ESPNL: variants seen among roughly 807,000 people sequenced by gnomAD.
ESPNL encodes espin-like protein.
A neutral mutation model predicts 46.8 loss-of-function variants in ESPNL; 49 were observed. The ratio of observed to expected loss-of-function variants is 1.05; its 90% CI spans 0.83 to 1.33. The LOEUF is 1.33. ESPNL is among the 40% of genes most tolerant of loss of function. The pLI, the probability that ESPNL is intolerant of heterozygous loss-of-function variation, is 0.00. For synonymous variants in ESPNL, 664 were observed against 662.1 expected, an observed-to-expected ratio of 1.00 and a Z score of -0.04; for missense variants, 1,540 against 1,436.6, an observed-to-expected ratio of 1.07 and a Z score of -1.16.
At chr2:238,108,038 C>T in intron 4 of ESPNL, 65 bp downstream of exon 4, 7 of 1,430,918 alleles carry the variant, frequency 4.9e-6, no homozygotes, top group Non-Finnish European at 6.7e-6. Flanking sequence ...AGTGCTGTGT[C>T]ACTGACCCTC....
chr2:238,128,985 A>T, intron 8 of ESPNL, 81 bp downstream of exon 8: 1 of 1,482,196 alleles, frequency 6.7e-7, no homozygotes, highest in Non-Finnish European at 9.0e-7. Flanking sequence ...AGGGCGCCCG[A>T]AGCCCAGAAC....
rs369928570 is a variant in ESPNL at position 238,100,361 on chromosome 2, G to A, written c.-59G>A. The A allele has an allele frequency of 1.1e-5, 13 of 1,235,310 alleles. No homozygotes were observed. Among genetic ancestry groups the A allele is most frequent in the African/African-American group, 6.9e-5 (4 of 57,668 alleles). The allele number at this position is 1,235,310 out of a possible 1,614,324, so 76.5% of individuals were successfully genotyped here. A position where few individuals can be genotyped will look rare whatever the true frequency, so the allele number is the denominator to read the frequency against. ...AACCAGAGCCGGCAGCTTCATCCAC[G>A]TCTGAAACAGGAAGCCCCAGCCTGT... is the stretch of plus-strand genomic sequence containing the variant. On this transcript the variant is annotated 5_prime_UTR_variant, in exon 1 of 9. Coordinates refer to ENST00000343063, the MANE Select transcript of ESPNL (RefSeq NM_194312.4).
chr2:238,125,467 C>A, intron 6 of ESPNL, 83 bp downstream of exon 6: 2 of 783,552 alleles, frequency 2.6e-6, no homozygotes, highest in Non-Finnish European at 3.7e-6. Context: ...GGTCCTGGAC[C>A]GGTGGGCAAG....
intron 4 of ESPNL, among the ~76,000 whole-genome samples, chr2:238,115,096 G>A (rs1395026292): frequency 6.6e-6 from 1 of 151,988 alleles, no homozygotes; most frequent in Non-Finnish European, 1.5e-5. Context: ...CTCTGGTCTT[G>A]TGGCGGTTCT....
In ESPNL at chr2:238,131,177, G is replaced by T; in HGVS notation, c.2463G>T (p.Arg821=). The change falls in exon 9 of 9, where the codon CGG becomes CGT. Residue 821 remains arginine, a synonymous_variant. Transcript: ENST00000343063. ...CCATCATGGCTCACGTGCCCGCCCG[G>T]CAGCTGCGGCGGCTGAGCCGGCAGC... ...WKAIMAHVPA[R]QLRRLSRQPR... 1 of 1,544,640 alleles carries T rather than the reference G, an allele frequency of 6.5e-7. No individual in the cohort carries two copies. Among genetic ancestry groups the T allele is most frequent in the Non-Finnish European group, 8.7e-7 (1 of 1,146,548 alleles).
At position 238,130,874 on chromosome 2, in the gene ESPNL, G is replaced by C; in HGVS notation, c.2160G>C (p.Glu720Asp). The C allele has an allele frequency of 6.4e-7, 1 of 1,557,042 alleles. No homozygotes were observed. The highest frequency in any genetic ancestry group is 8.7e-7 in the Non-Finnish European group (1 of 1,151,612). Residue 720 changes from glutamate to aspartate, a missense_variant, in exon 9 of 9, where the codon GAG becomes GAC. By Grantham distance (45) the Glu-to-Asp change is conservative. Coordinates refer to ENST00000343063, the MANE Select transcript of ESPNL (RefSeq NM_194312.4). ...EASDSGISCEEVPSEAGAAAG... is the reference protein window; with the variant it reads ...EASDSGISCEDVPSEAGAAAG... ...GCGACTCTGGCATCAGCTGCGAGGA[G>C]GTGCCATCAGAGGCGGGTGCCGCAG...
Position 238,130,371 on chromosome 2 carries a change from C to T in ESPNL, c.1657C>T (p.His553Tyr). 1 of 1,611,074 alleles carries T rather than the reference C, an allele frequency of 6.2e-7. No individual in the cohort carries two copies. ...EPLVSITVNS[H>Y]FLPRAPGLEV... ...CCTGGTCAGCATCACGGTCAACAGCCACTTCCTGCCCCGGGCGCCCGGACT... is the reference window on the plus strand; with the variant it reads ...CCTGGTCAGCATCACGGTCAACAGCTACTTCCTGCCCCGGGCGCCCGGACT... The change falls in exon 9 of 9, where the codon CAC becomes TAC. Residue 553 changes from histidine (H) to tyrosine (Y), a missense_variant. Physicochemically the swap from His to Tyr is moderately conservative, Grantham distance 83. Transcript: ENST00000343063.
chr2:238,104,800 C>T lies in ESPNL; in HGVS notation c.630C>T (p.His210=), dbSNP rs142250207. 76 of 1,565,338 alleles carry T rather than the reference C, an allele frequency of 4.9e-5. No homozygotes were observed. The African/African-American group carries it at 5.8e-4, about 12-fold the overall frequency. Residue 210 remains histidine (H), a synonymous_variant, in exon 3 of 9, where the codon CAC becomes CAT. Transcript: ENST00000343063. The stretch of plus-strand genomic sequence containing the variant: ...CTCTCGATGGCATGAGCGCCCTGCA[C>T]GCTGCCGCCGCCCGTGGCCACTACT... ...LRALDGMSAL[H]AAAARGHYSL... is the part of the protein sequence containing the mutation.
At position 238,112,174 on chromosome 2, in the gene ESPNL, T is replaced by C. The variant is rs181785478; in HGVS notation, c.855+4201T>C. On this transcript the variant is annotated intron_variant, in intron 4 of 8. Transcript: ENST00000343063. ...GGAAGGTTTTTTATTACTAATTCAA[T>C]TTATTTAATTATAGAACTACTAGGG... Among the ~76,000 whole-genome samples, 373 of 146,888 alleles carry C rather than the reference T, an allele frequency of 2.5e-3. 2 individuals are homozygous for C. Among genetic ancestry groups the C allele is most frequent in the African/African-American group, 9.3e-3 (345 of 36,928 alleles).
Position 238,107,942 on chromosome 2 carries a change from T to C in ESPNL, c.824T>C (p.Leu275Pro). ...AGAGACTCCTGGGGTGGGACCCCCC[T>C]CCACGACGCAGCAGAGAACGGGCAG... ...ILRDSWGGTP[L>P]HDAAENGQME... Residue 275 changes from leucine to proline, a missense_variant, in exon 4 of 9, where the codon CTC (leucine) becomes CCC (proline). Physicochemically the swap from Leu to Pro is moderately conservative, Grantham distance 98. Transcript: ENST00000343063. The C allele has an allele frequency of 6.2e-7, 1 of 1,613,050 alleles. No individual in the cohort carries two copies. The highest frequency in any genetic ancestry group is 8.5e-7 in the Non-Finnish European group (1 of 1,179,818).
rs545344002 is a variant in ESPNL at position 238,111,043 on chromosome 2, C to T, written c.855+3070C>T. Among the ~76,000 whole-genome samples, 8 of 150,194 alleles carry T rather than the reference C, an allele frequency of 5.3e-5. No individual in the cohort carries two copies. In the South Asian group the frequency reaches 1.7e-3, roughly 32 times the overall value. ...TCTCTGCTCACTGCAACCTCTGCCT[C>T]AGCCTCCTGAGTAGCTGGGATTACA... On this transcript the variant is annotated intron_variant, in intron 4 of 8. Coordinates refer to ENST00000343063, the MANE Select transcript of ESPNL (RefSeq NM_194312.4).
chr2:238,111,629 G>A (rs532018860), intron 4 of ESPNL, among the ~76,000 whole-genome samples: 14 of 152,148 alleles, frequency 9.2e-5, no homozygotes, highest in Non-Finnish European at 1.8e-4. Flanking sequence ...CCTTTTTATA[G>A]CTAAATAATA....
intron 2 of ESPNL, 40 bp from the exon 3 acceptor site, chr2:238,104,616 T>C (rs374744174): frequency 2.0e-6 from 3 of 1,513,382 alleles, no homozygotes; most frequent in Non-Finnish European, 2.7e-6. Flanking sequence ...GGCTCAGCCA[T>C]AGGCAGGGAC....
intron 3 of ESPNL, among the ~76,000 whole-genome samples, chr2:238,105,808 G>C (rs1448293101): frequency 2.0e-5 from 3 of 152,182 alleles, no homozygotes; most frequent in Admixed American, 1.3e-4. Flanking sequence ...GAAGGTCACT[G>C]TGGCTGCTGA....
intron 5 of ESPNL, among the ~76,000 whole-genome samples, chr2:238,122,323 G>A (rs890138311): frequency 6.6e-6 from 1 of 152,236 alleles, no homozygotes; most frequent in African/African-American, 2.4e-5. Flanking sequence ...TAAACTCAGA[G>A]ACCATCCTAA....
intron 6 of ESPNL, among the ~76,000 whole-genome samples, chr2:238,125,807 GTGGAA>G (rs1230162908): frequency 4.6e-5 from 7 of 152,032 alleles, no homozygotes; most frequent in African/African-American, 1.7e-4. Flanking sequence ...GTGGAGTGGA[GTGGAA>G]TGGAATTATC....
Position 238,114,437 on chromosome 2 carries a change from C to T in ESPNL, c.856-2466C>T, listed in dbSNP as rs960514566. ...CCGCCTCCACCCACCCACACACCCA[C>T]CGCGCCCTGGCAAACCTTTGCCATT... On this transcript the variant is annotated intron_variant, in intron 4 of 8. Transcript: ENST00000343063. The surrounding 1 kb of genome is among the most constrained non-coding windows in gnomAD (Gnocchi z 5.0). Among the ~76,000 whole-genome samples, 9 of 152,220 alleles carry T rather than the reference C, an allele frequency of 5.9e-5. No homozygotes were observed. Among genetic ancestry groups the T allele is most frequent in the African/African-American group, 1.9e-4 (8 of 41,452 alleles).
rs1559263067 is a variant in ESPNL, at chr2:238,117,990, G to A, written c.987+956G>A. Among the ~76,000 whole-genome samples, 4 of 151,764 alleles carry A rather than the reference G, an allele frequency of 2.6e-5. 1 individual carries two copies. Among genetic ancestry groups the A allele is most frequent in the African/African-American group, 9.7e-5 (4 of 41,280 alleles). The stretch of plus-strand genomic sequence containing the variant: ...GTGGACAGAGGAGAAATAGATGGAG[G>A]AAGGTGGATGGAGGAGGAATGGATG... On this transcript the variant is annotated intron_variant, in intron 5 of 8. Transcript: ENST00000343063.
chr2:238,124,627 GTGTGTGCAGGAGAGTGTACGTGCA>G (rs1304152607), intron 5 of ESPNL, among the ~76,000 whole-genome samples: 44 of 151,226 alleles, frequency 2.9e-4, no homozygotes, highest in Non-Finnish European at 5.2e-4. Context: ...GTACATGCGT[GTGTGTGCAGGAGAGTGTACGTGCA>G]TGTGTGCAGG....
Sources: gnomAD v4.1 joint callset for allele counts (sites outside exome capture counted in the v4.1 genomes callset) on GRCh38, gnomAD v4.1.1 for gene constraint, Gnocchi (gnomAD v3.1) non-coding constraint, MANE v1.5 for transcripts, NCBI Gene and HGNC (gene_info 2026-07-23, HGNC 2026-07-21) for gene names.